Variants in IQCM observed in about 807,000 individuals in gnomAD.
The protein encoded by IQCM is IQ domain-containing protein M.
A neutral mutation model predicts 57.6 loss-of-function variants in IQCM; 45 were observed. The ratio of observed to expected loss-of-function variants is 0.78; its 90% CI spans 0.62 to 1.00. The LOEUF is 1.00. IQCM is among the 50% of genes least tolerant of loss of function. The pLI is 0.00. For missense variants in IQCM, 468 were observed against 511.6 expected, an observed-to-expected ratio of 0.91 and a Z score of 0.82; for synonymous variants, 148 against 158.9, an observed-to-expected ratio of 0.93 and a Z score of 0.51.
intron 7 of IQCM, among the ~76,000 whole-genome samples, chr4:149,667,595 A>T (rs951335266): frequency 6.6e-6 from 1 of 152,086 alleles, no homozygotes; most frequent in African/African-American, 2.4e-5. Flanking sequence ...AAATTGACAG[A>T]AGTAGGCTTC....
At chr4:149,806,006 A>C in intron 2 of IQCM, among the ~76,000 whole-genome samples, 1 of 151,948 alleles carries the variant, frequency 6.6e-6, no homozygotes, top group East Asian at 1.9e-4. Context: ...GAGAAATATA[A>C]TTGGAGTTGG....
intron 12 of IQCM, among the ~76,000 whole-genome samples, chr4:149,530,795 ACCCCCCCACC>A (rs1746658122): frequency 3.8e-5 from 1 of 26,242 alleles, no homozygotes; most frequent in Non-Finnish European, 7.6e-5. Context: ...AGACACCCCC[ACCCCCCCACC>A]CCCCCCCCAC....
intron 13 of IQCM, among the ~76,000 whole-genome samples, chr4:149,393,668 C>T (rs994445205): frequency 1.3e-5 from 2 of 151,786 alleles, no homozygotes; most frequent in Non-Finnish European, 2.9e-5. Context: ...ACAACAAAAA[C>T]GGCGGCAATG....
At chr4:149,564,196 G>T (rs891668253) in intron 9 of IQCM, among the ~76,000 whole-genome samples, 2 of 152,150 alleles carry the variant, frequency 1.3e-5, no homozygotes, top group African/African-American at 4.8e-5. Context: ...CGGCAGTTTA[G>T]TTCAAATAAT....
At chr4:149,473,992 G>C (rs1268079748) in intron 12 of IQCM, among the ~76,000 whole-genome samples, 1 of 152,090 alleles carries the variant, frequency 6.6e-6, no homozygotes, top group Admixed American at 6.6e-5. Context: ...GGGGAAGTGG[G>C]GAGGGATAGT....
chr4:149,777,687 G>A (rs925114276), intron 2 of IQCM, among the ~76,000 whole-genome samples: 8 of 152,128 alleles, frequency 5.3e-5, no homozygotes, highest in African/African-American at 1.9e-4. Flanking sequence ...AGAAAACGGA[G>A]TAGATGTAAT....
chr4:149,559,590 A>T (rs892367421), intron 10 of IQCM, among the ~76,000 whole-genome samples: 1 of 152,130 alleles, frequency 6.6e-6, no homozygotes, highest in Non-Finnish European at 1.5e-5. Context: ...GATACCTAAG[A>T]CTTCTTTCAG....
intron 13 of IQCM, among the ~76,000 whole-genome samples, chr4:149,355,462 C>G: frequency 7.2e-6 from 1 of 139,848 alleles, no homozygotes; most frequent in Non-Finnish European, 1.5e-5. Context: ...TCTCATTGTT[C>G]AATTCCCACC....
chr4:149,467,133 T>C (rs1055545076), intron 12 of IQCM, among the ~76,000 whole-genome samples: 4 of 152,188 alleles, frequency 2.6e-5, no homozygotes, highest in Non-Finnish European at 5.9e-5. Context: ...TAACAGGCAA[T>C]AGTGTGCTAT....
Position 149,588,012 on chromosome 4 carries a change from A to C in IQCM, c.682-15T>G. On this transcript the variant is annotated splice_polypyrimidine_tract_variant and intron_variant, in intron 8 of 13. Coordinates refer to ENST00000636793, the MANE Select transcript of IQCM (RefSeq NM_001363507.2). Reference sequence around the variant, plus strand: ...TTAAAGGTTTTCTATAATAAGGAAAAGAAGAGTTGACATAAGTAGAAAAAC... The same window carrying C: ...TTAAAGGTTTTCTATAATAAGGAAACGAAGAGTTGACATAAGTAGAAAAAC... The C allele has an allele frequency of 3.5e-6, 4 of 1,156,024 alleles. No homozygotes were observed. The highest frequency in any genetic ancestry group is 4.4e-6 in the Non-Finnish European group (4 of 919,460). 71.6% of individuals were successfully genotyped at this position (1,156,024 alleles called of 1,614,324 possible).
chr4:149,578,345 G>T (rs1488657200), intron 9 of IQCM, among the ~76,000 whole-genome samples: 3 of 151,642 alleles, frequency 2.0e-5, no homozygotes, highest in African/African-American at 7.3e-5. Flanking sequence ...GTACCTACAT[G>T]TTTTACCGGT....
chr4:149,665,783 G>T lies in IQCM; in HGVS notation c.565+16335C>A, dbSNP rs1006072920. Among the ~76,000 whole-genome samples the T allele has an allele frequency of 6.6e-5, 10 of 152,224 alleles. No individual in the cohort carries two copies. In the South Asian group the frequency reaches 1.9e-3, roughly 28 times the overall value. On this transcript the variant is annotated intron_variant, in intron 7 of 13. Transcript: ENST00000636793. ...TATTGGCAGACCCACCCTCAATCTG[G>T]GTAGGCACCGTCTAATCAGCTGCCA...
chr4:149,492,663 A>G (rs998194027), intron 12 of IQCM, among the ~76,000 whole-genome samples: 10 of 152,184 alleles, frequency 6.6e-5, no homozygotes, highest in African/African-American at 2.4e-4. Flanking sequence ...TGGTCTGGGA[A>G]TTTCTAACTC....
chr4:149,803,742 A>G (rs377377309), intron 2 of IQCM, among the ~76,000 whole-genome samples: 1 of 151,544 alleles, frequency 6.6e-6, no homozygotes, highest in East Asian at 1.9e-4. Flanking sequence ...AGGTGTCAAC[A>G]TTTTTGCTAG....
At chr4:149,759,808 T>C (rs1210474608) in intron 2 of IQCM, among the ~76,000 whole-genome samples, 1 of 151,806 alleles carries the variant, frequency 6.6e-6, no homozygotes, top group Non-Finnish European at 1.5e-5. Context: ...TAAACCAAAA[T>C]AAGCATTTAA....
intron 13 of IQCM, among the ~76,000 whole-genome samples, chr4:149,367,847 C>T (rs376453998): frequency 6.6e-6 from 1 of 152,074 alleles, no homozygotes; most frequent in Admixed American, 6.6e-5. Context: ...TTAATTTTGG[C>T]CAGTCTAAAA....
chr4:149,376,065 A>G (rs6835491), intron 13 of IQCM, among the ~76,000 whole-genome samples: 37,228 of 152,016 alleles, frequency 0.24, 5,050 homozygotes, highest in Non-Finnish European at 0.3. Context: ...CCACCTCAAA[A>G]GAAGAATCAG....
In IQCM at chr4:149,406,609, T is replaced by A. The variant is rs930902646; in HGVS notation, c.1390+26787A>T. Among the ~76,000 whole-genome samples, 45 of 152,230 alleles carry A rather than the reference T, an allele frequency of 3.0e-4. No individual in the cohort carries two copies. In the Middle Eastern group the frequency reaches 0.014, roughly 46 times the overall value. ...CTATTCTCAGAGCAAAGTGAAAAAA[T>A]ACATGTCTTTAAGCCAAAGCAGAAT... On this transcript the variant is annotated intron_variant, in intron 13 of 13. Coordinates refer to ENST00000636793, the MANE Select transcript of IQCM (RefSeq NM_001363507.2).
intron 5 of IQCM, among the ~76,000 whole-genome samples, chr4:149,727,909 T>C (rs1483143403): frequency 6.6e-6 from 1 of 152,234 alleles, no homozygotes; most frequent in Non-Finnish European, 1.5e-5. Context: ...GAGAGCTGAC[T>C]GTGTACATCT....
Sources: gnomAD v4.1 joint callset for allele counts (sites outside exome capture counted in the v4.1 genomes callset) on GRCh38, gnomAD v4.1.1 for gene constraint, MANE v1.5 for transcripts, NCBI Gene and HGNC (gene_info 2026-07-23, HGNC 2026-07-21) for gene names.